Variants in DEFB134 observed in about 807,000 individuals in gnomAD.
DEFB134 encodes defensin beta 134.
A neutral mutation model predicts 7.4 loss-of-function variants in DEFB134; 7 were observed. The ratio of observed to expected loss-of-function variants is 0.95; its 90% CI spans 0.54 to 1.79. The LOEUF (loss-of-function observed/expected upper bound fraction) is 1.79, where lower values mean the gene tolerates loss of function less well. Among genes scored for constraint, DEFB134 ranks in the 40% most tolerant of loss-of-function variants. DEFB134 has a pLI of 0.00. For synonymous variants in DEFB134, 33 were observed against 25.0 expected (o/e 1.32, Z -0.96); for missense variants, 105 against 74.8 (o/e 1.40, Z -1.49).
chr8:11,996,740 G>T (rs558358585), upstream of DEFB134, among the ~76,000 whole-genome samples: 113 of 152,116 alleles, frequency 7.4e-4, no homozygotes, highest in South Asian at 1.5e-3. Context: ...TTAATATTTT[G>T]TTTTACATAG....
At chr8:11,994,411 G>C (rs1800064407) in intron 1 of DEFB134, among the ~76,000 whole-genome samples, 1 of 152,158 alleles carries the variant, frequency 6.6e-6, no homozygotes, top group Non-Finnish European at 1.5e-5. Context: ...AGATTGATAG[G>C]CTAATCCAAT....
chr8:11,996,034 C>G (rs569537147), intron 1 of DEFB134, among the ~76,000 whole-genome samples, 160 bp downstream of exon 2: 207 of 151,424 alleles, frequency 1.4e-3, no homozygotes, highest in Non-Finnish European at 2.3e-3. Context: ...AGTTGGACAG[C>G]CAGATTCAAG....
chr8:11,999,016 T>C (rs1800199441), upstream of DEFB134: 1 of 152,678 alleles, frequency 6.5e-6, no homozygotes. Flanking sequence ...AAACCAATAA[T>C]GAGATCTGAA....
intron 1 of DEFB134, 118 bp from the exon 3 acceptor site, chr8:11,994,240 C>A: frequency 1.6e-6 from 2 of 1,261,150 alleles, no homozygotes; most frequent in Non-Finnish European, 2.2e-6. Context: ...GATAATTGAT[C>A]CTGTAACTGA....
Position 11,993,966 on chromosome 8 carries a change from A to T in DEFB134, c.*14T>A, listed in dbSNP as rs764168721. The T allele has an allele frequency of 9.9e-6, 16 of 1,609,676 alleles. No individual in the cohort carries two copies. The African/African-American group carries it at 1.9e-4, about 19-fold the overall frequency. On this transcript the variant is annotated 3_prime_UTR_variant, in exon 2 of 2. Transcript: ENST00000526438. ...AGGGCCTACAGGATAGTGGCCATTC[A>T]TTGGTTTCTTATGTCAGGGTGCAGG... is the stretch of plus-strand genomic sequence containing the variant.
chr8:11,995,266 A>G (rs1800087006), intron 1 of DEFB134, among the ~76,000 whole-genome samples: 1 of 152,190 alleles, frequency 6.6e-6, no homozygotes, highest in Non-Finnish European at 1.5e-5. Flanking sequence ...ATTGCCATAA[A>G]CCGTAATGGA....
chr8:11,996,166 C>T, intron 1 of DEFB134, 28 bp downstream of exon 2: 2 of 1,612,912 alleles, frequency 1.2e-6, no homozygotes, highest in South Asian at 2.2e-5. Context: ...ATGAAGCACC[C>T]CTACCCCCCA....
At chr8:11,998,443 G>A (rs536301647), upstream of DEFB134, among the ~76,000 whole-genome samples, 409 of 107,276 alleles carry the variant, frequency 3.8e-3, no homozygotes, top group Non-Finnish European at 5.4e-3. Flanking sequence ...AGAGTGAGAC[G>A]CTGTCTTAAA....
chr8:11,994,608 T>G (rs1800068639), intron 1 of DEFB134, among the ~76,000 whole-genome samples: 1 of 152,228 alleles, frequency 6.6e-6, no homozygotes. Flanking sequence ...CAGCCCAAGC[T>G]GACTAAAACA....
At chr8:12,000,494 G>A (rs1800241705), upstream of DEFB134, among the ~76,000 whole-genome samples, 1 of 152,178 alleles carries the variant, frequency 6.6e-6, no homozygotes, top group African/African-American at 2.4e-5. Flanking sequence ...AAGACCCCCA[G>A]TAGATGCTTG....
upstream of DEFB134, among the ~76,000 whole-genome samples, chr8:11,999,924 G>A (rs1435600624): frequency 1.3e-5 from 2 of 152,172 alleles, no homozygotes; most frequent in African/African-American, 4.8e-5. Flanking sequence ...AGTACAATAT[G>A]CTCCACGCTA....
At chr8:11,996,078 C>A (rs1800112227) in intron 1 of DEFB134, 116 bp downstream of exon 2, 1 of 1,283,692 alleles carries the variant, frequency 7.8e-7, no homozygotes. Flanking sequence ...CTAGTTGATG[C>A]TTTTTTCTAG....
exon 2 of DEFB134, chr8:11,993,535 A>G (rs1200058951): frequency 6.5e-6 from 1 of 153,894 alleles, no homozygotes; most frequent in Non-Finnish European, 1.4e-5. Flanking sequence ...GGTTTATGTG[A>G]GAGATGTACA....
chr8:12,000,517 A>G (rs1369708943), upstream of DEFB134, among the ~76,000 whole-genome samples: 6 of 152,226 alleles, frequency 3.9e-5, no homozygotes, highest in African/African-American at 1.2e-4. Context: ...ACAGTCGATA[A>G]TACTGAACTC....
At chr8:11,995,015 T>A (rs1800080440) in intron 1 of DEFB134, among the ~76,000 whole-genome samples, 1 of 152,180 alleles carries the variant, frequency 6.6e-6, no homozygotes, top group Non-Finnish European at 1.5e-5. Flanking sequence ...ACATACCCTA[T>A]CTGAGTCATA....
At chr8:11,999,214 C>T (rs377577556), upstream of DEFB134, 51 of 204,384 alleles carry the variant, frequency 2.5e-4, no homozygotes, top group East Asian at 2.7e-3. Flanking sequence ...GGCGTGGGTT[C>T]ATGAAAAGCA....
At chr8:11,994,807 T>G (rs1156466658) in intron 1 of DEFB134, among the ~76,000 whole-genome samples, 1 of 152,184 alleles carries the variant, frequency 6.6e-6, no homozygotes, top group African/African-American at 2.4e-5. Context: ...GATATAGACC[T>G]TAACCTCAAT....
At chr8:12,000,369 G>C (rs1009239502), upstream of DEFB134, among the ~76,000 whole-genome samples, 3 of 152,094 alleles carry the variant, frequency 2.0e-5, no homozygotes, top group Non-Finnish European at 4.4e-5. Context: ...AAGTCTAGCA[G>C]GCCATCAGTG....
chr8:11,998,845 AAG>A (rs1310422858), upstream of DEFB134, among the ~76,000 whole-genome samples: 1 of 152,174 alleles, frequency 6.6e-6, no homozygotes, highest in African/African-American at 2.4e-5. Context: ...AGAAACGAGA[AAG>A]AGGATATTAC....
Sources: gnomAD v4.1 joint callset for allele counts (sites outside exome capture counted in the v4.1 genomes callset) on GRCh38, gnomAD v4.1.1 for gene constraint, MANE v1.5 for transcripts, NCBI Gene and HGNC (gene_info 2026-07-23, HGNC 2026-07-21) for gene names.